PAN2: variants seen among roughly 807,000 people sequenced by gnomAD.
PAN2 encodes PAN2-PAN3 deadenylation complex catalytic subunit PAN2.
In PAN2, 68 loss-of-function variants were observed where a neutral mutation model predicts 133.3. The ratio of observed to expected loss-of-function variants is 0.51; its 90% CI spans 0.42 to 0.62. The LOEUF is 0.62. PAN2 is among the 20% of genes least tolerant of loss of function. The pLI is 0.00. For synonymous variants in PAN2, 462 were observed against 544.6 expected, an observed-to-expected ratio of 0.85 and a Z score of 2.11; for missense variants, 1,042 against 1,500.5, an observed-to-expected ratio of 0.69 and a Z score of 5.05.
intron 2 of PAN2, among the ~76,000 whole-genome samples, chr12:56,330,428 C>T (rs1194478894): frequency 2.4e-5 from 3 of 125,010 alleles, no homozygotes; most frequent in East Asian, 2.5e-4. Flanking sequence ...GGCGGGATCT[C>T]GGCTCACTGC....
intron 2 of PAN2, among the ~76,000 whole-genome samples, chr12:56,331,701 T>TG (rs869187979): frequency 4.5e-5 from 1 of 22,386 alleles, no homozygotes; most frequent in Non-Finnish European, 3.0e-4. Flanking sequence ...AAGGACAGCG[T>TG]TTTTTTTTTT....
At position 56,326,798 on chromosome 12, in the gene PAN2, G is replaced by A. The variant is rs1158202726; in HGVS notation, c.1081C>T (p.Pro361Ser). ...GAGTAGGGGTTGAAGGAAGGCTCCG[G>A]GGAATCAGTCCAGAGGTGCACACAG... ...EGCVHLWTDSPEPSFNPYSRE... is the reference protein window; with the variant it reads ...EGCVHLWTDSSEPSFNPYSRE... Residue 361 changes from proline to serine, a missense_variant, in exon 7 of 26, where the codon CCG becomes TCG. Around this residue, in one of 3 missense-constraint regions of PAN2, gnomAD observed 908 missense variants for 1,223.5 expected, o/e 0.74. Transcript: ENST00000440411. 1 of 1,614,094 alleles carries A rather than the reference G, an allele frequency of 6.2e-7. No individual in the cohort carries two copies. Among genetic ancestry groups the A allele is most frequent in the African/African-American group, 1.3e-5 (1 of 74,940 alleles).
chr12:56,317,688 A>C (rs1446953290), intron 25 of PAN2, 45 bp from the exon 26 acceptor site: 2 of 1,554,632 alleles, frequency 1.3e-6, no homozygotes. Context: ...TGAGTGGAGA[A>C]AAAGCATCTT....
chr12:56,324,817 C>T, intron 10 of PAN2, 108 bp from the exon 11 acceptor site: 1 of 1,451,762 alleles, frequency 6.9e-7, no homozygotes, highest in Non-Finnish European at 9.3e-7. Flanking sequence ...CAGGAGTCCA[C>T]CGAAGCAGTG....
In PAN2 at chr12:56,332,797, G is replaced by C; in HGVS notation, c.282+16C>G. On this transcript the variant is annotated intron_variant, in intron 2 of 25. Transcript: ENST00000440411. ...TTCAACATCTTTCAACCCTCACAAA[G>C]GGGTACAGTTCTTACCCCGTGGCTC... 1 of 1,611,008 alleles carries C rather than the reference G, an allele frequency of 6.2e-7. No homozygotes were observed. The highest frequency in any genetic ancestry group is 1.3e-5 in the African/African-American group (1 of 74,970).
Position 56,326,675 on chromosome 12 carries a change from G to C in PAN2, c.1204C>G (p.Leu402Val). The C allele has an allele frequency of 6.2e-7, 1 of 1,614,108 alleles. No homozygotes were observed. The highest frequency in any genetic ancestry group is 8.5e-7 in the Non-Finnish European group (1 of 1,179,986). ...TCAGAGAGAAGTGTGTCAGTGGTGAGTGGGACAGGGATGAGGGAAAGAGGC... is the reference window on the plus strand; with the variant it reads ...TCAGAGAGAAGTGTGTCAGTGGTGACTGGGACAGGGATGAGGGAAAGAGGC... Reference protein sequence around the residue: ...LLPLSLIPVPLTTDTLLSDWP... With the variant: ...LLPLSLIPVPVTTDTLLSDWP... The change falls in exon 7 of 26, where the codon CTC (leucine) becomes GTC (valine). Residue 402 changes from leucine (L) to valine (V), a missense_variant. Around this residue, in one of 3 missense-constraint regions of PAN2, gnomAD observed 908 missense variants for 1,223.5 expected, o/e 0.74. Coordinates refer to ENST00000440411, the MANE Select transcript of PAN2 (RefSeq NM_014871.6).
intron 18 of PAN2, 25 bp downstream of exon 18, chr12:56,322,590 T>C: frequency 3.7e-6 from 6 of 1,613,966 alleles, no homozygotes; most frequent in Non-Finnish European, 5.1e-6. Flanking sequence ...CCAGGAGTGT[T>C]CCTGCCCTCT....
At chr12:56,321,149 C>A (rs567835833) in intron 20 of PAN2, among the ~76,000 whole-genome samples, 2 of 152,058 alleles carry the variant, frequency 1.3e-5, no homozygotes, top group East Asian at 3.9e-4. Context: ...CAGCCTTGAC[C>A]TCCTGGGCTC....
chr12:56,323,937 C>G (rs750886461), intron 13 of PAN2, 24 bp from the exon 14 acceptor site: 1 of 1,603,654 alleles, frequency 6.2e-7, no homozygotes, highest in South Asian at 1.1e-5. Flanking sequence ...AGATGCTATA[C>G]TCCTGGTTCT....
In PAN2 at chr12:56,319,546, C is replaced by T; in HGVS notation, c.3091-59G>A. ...GAAGTGAGATGGAGTCTTCCCCTAT[C>T]ACTCTTCCCTGGGTTCTTGAGCACT... On this transcript the variant is annotated intron_variant, in intron 22 of 25. Transcript: ENST00000440411. This position sits in a 1 kb window ranked among gnomAD's most constrained non-coding sequence, Gnocchi z 5.4. 6.3e-7 allele frequency: 1 copy of T among 1,591,830 alleles called. No homozygotes were observed. The highest frequency in any genetic ancestry group is 8.6e-7 in the Non-Finnish European group (1 of 1,168,308).
Position 56,325,405 on chromosome 12 carries a change from T to C in PAN2, c.1409A>G (p.Gln470Arg), listed in dbSNP as rs1206706910. Residue 470 changes from glutamine (Q) to arginine (R), a missense_variant, in exon 9 of 26, where the codon CAG becomes CGG. By Grantham distance (43) the Gln-to-Arg change is conservative. Transcript: ENST00000440411. ...TCGTCCTACTGGTGACTCAGTGACC[T>C]GGCTGAAGCTGTCAAATTCACTGTC... ...ESDSEFDSFS[Q>R]VTESPVGREE... The C allele has an allele frequency of 4.3e-6, 7 of 1,614,202 alleles. No individual in the cohort carries two copies. The highest frequency in any genetic ancestry group is 5.9e-6 in the Non-Finnish European group (7 of 1,179,998).
Position 56,326,623 on chromosome 12 carries a change from G to A in PAN2, c.1256C>T (p.Ala419Val). 6.2e-7 allele frequency: 1 copy of A among 1,611,532 alleles called. No individual in the cohort carries two copies. The highest frequency in any genetic ancestry group is 1.7e-4 in the Middle Eastern group (1 of 5,972). ...SDWPAANSAPAPRRAPPVDAE... is the reference protein window; with the variant it reads ...SDWPAANSAPVPRRAPPVDAE... ...CCCAGAGGTAGGGTACAACCTGGGA[G>A]CTGGAGCAGAGTTGGCAGCAGGCCA... The change falls in exon 7 of 26, where the codon GCT becomes GTT. Residue 419 changes from alanine (A) to valine (V), a missense_variant. Physicochemically the swap from Ala to Val is moderately conservative, Grantham distance 64 (BLOSUM62 0). Transcript: ENST00000440411.
chr12:56,323,448 G>T (rs879623799), intron 15 of PAN2, 52 bp downstream of exon 15: 1 of 1,607,814 alleles, frequency 6.2e-7, no homozygotes, highest in Non-Finnish European at 8.5e-7. Context: ...GTCAGAAGGG[G>T]GATAAAATGA....
At position 56,328,634 on chromosome 12, in the gene PAN2, G is replaced by C. The variant is rs775660438; in HGVS notation, c.290C>G (p.Ala97Gly). 2 of 1,613,928 alleles carry C rather than the reference G, an allele frequency of 1.2e-6. No homozygotes were observed. Among genetic ancestry groups the C allele is most frequent in the Admixed American group, 3.3e-5 (2 of 60,030 alleles). The change falls in exon 3 of 26, where the codon GCC becomes GGC. Residue 97 changes from alanine (A) to glycine (G), a missense_variant. This residue lies in a region of PAN2 where 908 missense variants were observed against 1,223.5 expected (regional missense o/e 0.74). Transcript: ENST00000440411. ...MLWVGSHGGH[A>G]TSFFGPALER... ...CAAGGCTGGGCCAAAAAATGAAGTG[G>C]CATGGCCCTATAGAGGACAAAGACA...
At chr12:56,327,094 C>A (rs1250854008) in intron 6 of PAN2, 135 bp from the exon 7 acceptor site, 6 of 788,308 alleles carry the variant, frequency 7.6e-6, no homozygotes, top group Non-Finnish European at 1.0e-5. Flanking sequence ...AATGCCACTT[C>A]GTGCCTTCCA....
rs1323636898 is a variant in PAN2 at position 56,324,796 on chromosome 12, T to A, written c.1600-87A>T. 24 of 1,514,942 alleles carry A rather than the reference T, an allele frequency of 1.6e-5. No individual in the cohort carries two copies. In the South Asian group the frequency reaches 3.1e-4, roughly 20 times the overall value. 93.8% of individuals were successfully genotyped at this position (1,514,942 alleles called of 1,614,324 possible). A position where few individuals can be genotyped will look rare whatever the true frequency, so the allele number is the denominator to read the frequency against. ...AGGTTAAGTGAGCTGGTGGAGAAAA[T>A]GTCCCAGAAGCAGGAGTCCACCGAA... is the stretch of plus-strand genomic sequence containing the variant. On this transcript the variant is annotated intron_variant, in intron 10 of 25. Transcript: ENST00000440411.
rs1194573341 is a variant in PAN2 at position 56,328,559 on chromosome 12, A to T, written c.365T>A (p.Ile122Asn). 1 of 1,614,108 alleles carries T rather than the reference A, an allele frequency of 6.2e-7. No individual in the cohort carries two copies. Among genetic ancestry groups the T allele is most frequent in the African/African-American group, 1.3e-5 (1 of 74,952 alleles). ...AAGGATACCATTCTCCAGGCTCTGG[A>T]TCTGCCGAATATCATCACTGCCATT... is the stretch of plus-strand genomic sequence containing the variant. ...QVNGSDDIRQ[I>N]QSLENGILFL... The change falls in exon 3 of 26, where the codon ATC (isoleucine) becomes AAC (asparagine). Residue 122 changes from isoleucine to asparagine, a missense_variant. Physicochemically the swap from Ile to Asn is moderately radical, Grantham distance 149. Coordinates refer to ENST00000440411, the MANE Select transcript of PAN2 (RefSeq NM_014871.6).
At position 56,320,049 on chromosome 12, in the gene PAN2, G is replaced by A. The variant is rs1300079680; in HGVS notation, c.2789-28C>T. 5.0e-6 allele frequency: 8 copies of A among 1,612,432 alleles called. No individual in the cohort carries two copies. The South Asian group carries it at 6.6e-5, about 13-fold the overall frequency. On this transcript the variant is annotated intron_variant, in intron 20 of 25. Coordinates refer to ENST00000440411, the MANE Select transcript of PAN2 (RefSeq NM_014871.6). The stretch of plus-strand genomic sequence containing the variant: ...AGAAGGGAGAATGCAGAGGACACAG[G>A]GCTTGGATAGGGAAGTGACTAGGGG...
chr12:56,319,184 G>C lies in PAN2; in HGVS notation c.3271-3C>G. On this transcript the variant is annotated splice_region_variant and splice_polypyrimidine_tract_variant and intron_variant, in intron 23 of 25. Transcript: ENST00000440411. This position sits in a 1 kb window ranked among gnomAD's most constrained non-coding sequence, Gnocchi z 5.4. Reference sequence around the variant, plus strand: ...TCAAGGACTTGGTCCTTGGGCACCTGGCAAGGATAAAAGAGGGGGAGACTT... The same window carrying C: ...TCAAGGACTTGGTCCTTGGGCACCTCGCAAGGATAAAAGAGGGGGAGACTT... The C allele has an allele frequency of 6.2e-7, 1 of 1,613,970 alleles. No individual in the cohort carries two copies. Among genetic ancestry groups the C allele is most frequent in the South Asian group, 1.1e-5 (1 of 91,072 alleles).
Sources: gnomAD v4.1 joint callset for allele counts (sites outside exome capture counted in the v4.1 genomes callset) on GRCh38, gnomAD v4.1.1 for gene constraint, gnomAD v4.1.1 regional missense constraint, Gnocchi (gnomAD v3.1) non-coding constraint, MANE v1.5 for transcripts, NCBI Gene and HGNC (gene_info 2026-07-23, HGNC 2026-07-21) for gene names.